Variants in LIAT1 observed in about 807,000 individuals in gnomAD.
LIAT1 encodes the protein protein LIAT1.
At chr17:413,233 G>C in the LIAT1 span, 1 of 1,614,196 alleles carries the variant, frequency 6.2e-7, no homozygotes. Flanking sequence ...AGCGTGGCCC[G>C]AAACCAGAGC....
chr17:411,346 C>T, the LIAT1 span, among the ~76,000 whole-genome samples: 2 of 152,186 alleles, frequency 1.3e-5, no homozygotes, highest in Non-Finnish European at 2.9e-5. Flanking sequence ...CAACCACTCC[C>T]CCCACCTTCT....
the LIAT1 span, among the ~76,000 whole-genome samples, chr17:411,800 C>T: frequency 6.6e-6 from 1 of 152,202 alleles, no homozygotes; most frequent in African/African-American, 2.4e-5. Flanking sequence ...AGAGAGAGCA[C>T]AGCAGTGACA....
the LIAT1 span, chr17:413,091 C>T: frequency 2.5e-5 from 40 of 1,577,330 alleles, no homozygotes; most frequent in East Asian, 7.6e-4. Context: ...GGCACCATCC[C>T]CAGCAGGCCA....
chr17:411,596 C>T, the LIAT1 span, among the ~76,000 whole-genome samples: 7 of 152,212 alleles, frequency 4.6e-5, no homozygotes, highest in Admixed American at 3.9e-4. Flanking sequence ...TCCTAGTCTA[C>T]ACACACAGAC....
At chr17:410,344 T>G in the LIAT1 span, 4 of 1,473,236 alleles carry the variant, frequency 2.7e-6, no homozygotes, top group Non-Finnish European at 3.6e-6. Context: ...GTGGTCGCCA[T>G]GGAGACGCGT....
At chr17:410,429 T>G in the LIAT1 span, 1 of 1,537,732 alleles carries the variant, frequency 6.5e-7, no homozygotes, top group Non-Finnish European at 8.7e-7. Context: ...CGGGGCGGGT[T>G]GGGTTGCAGC....
At chr17:413,317 A>T in the LIAT1 span, 3 of 1,614,256 alleles carry the variant, frequency 1.9e-6, no homozygotes, top group South Asian at 2.2e-5. Context: ...ACTTTGCCGA[A>T]ATAGAGAACC....
chr17:414,276 G>A, the LIAT1 span: 2 of 800,126 alleles, frequency 2.5e-6, no homozygotes, highest in Non-Finnish European at 4.0e-6. This position sits in a 1 kb window ranked among gnomAD's most constrained non-coding sequence, Gnocchi z 4.1. Flanking sequence ...GCCCTCGGTT[G>A]CCCAGGAGAG....
chr17:413,976 T>G, the LIAT1 span: 1 of 1,613,800 alleles, frequency 6.2e-7, no homozygotes, highest in South Asian at 1.1e-5. Context: ...CCTGAGAACT[T>G]ACCCTACCTC....
chr17:410,820 G>C, the LIAT1 span, among the ~76,000 whole-genome samples: 1 of 151,784 alleles, frequency 6.6e-6, no homozygotes, highest in Non-Finnish European at 1.5e-5. Context: ...AGCCCCACCC[G>C]TGGAGACCAT....
the LIAT1 span, among the ~76,000 whole-genome samples, chr17:412,460 G>A: frequency 2.0e-5 from 3 of 152,114 alleles, no homozygotes; most frequent in Non-Finnish European, 2.9e-5. Flanking sequence ...GGAGGGAAAT[G>A]TCAAAAGATG....
chr17:414,035 G>A, the LIAT1 span: 29 of 1,614,230 alleles, frequency 1.8e-5, no homozygotes, highest in Admixed American at 5.0e-5. This position sits in a 1 kb window ranked among gnomAD's most constrained non-coding sequence, Gnocchi z 4.1. Flanking sequence ...GTCGAAAGCC[G>A]AGTGCCCCAA....
the LIAT1 span, chr17:414,185 T>C: frequency 1.6e-5 from 24 of 1,523,896 alleles, no homozygotes; most frequent in Non-Finnish European, 2.1e-5. The surrounding 1 kb of genome is among the most constrained non-coding windows in gnomAD (Gnocchi z 4.1). Flanking sequence ...AAAACCATCA[T>C]CATAAAAGGA....
chr17:413,740 C>G, the LIAT1 span: 2 of 1,592,930 alleles, frequency 1.3e-6, no homozygotes, highest in Non-Finnish European at 1.7e-6. Flanking sequence ...ACCCCGACCC[C>G]AAGGCCCTCA....
At chr17:413,345 GAA>G in the LIAT1 span, 10 of 1,614,138 alleles carry the variant, frequency 6.2e-6, no homozygotes, top group Non-Finnish European at 8.5e-6. Context: ...TCGGATCAAC[GAA>G]AGTCTGCGTT....
chr17:414,255 A>G, the LIAT1 span: 5 of 1,068,862 alleles, frequency 4.7e-6, no homozygotes, highest in Non-Finnish European at 5.4e-6. This position sits in a 1 kb window ranked among gnomAD's most constrained non-coding sequence, Gnocchi z 4.1. Context: ...CGACTCTCCC[A>G]TCACCAAGCT....
the LIAT1 span, chr17:410,516 G>A: frequency 1.3e-6 from 2 of 1,545,492 alleles, no homozygotes; most frequent in African/African-American, 1.4e-5. Context: ...AGGAGGAGCG[G>A]GAGGGCGGCG....
At chr17:414,391 G>C in the LIAT1 span, 5 of 440,348 alleles carry the variant, frequency 1.1e-5, no homozygotes, top group Non-Finnish European at 1.6e-5. The surrounding 1 kb of genome is among the most constrained non-coding windows in gnomAD (Gnocchi z 4.1). Context: ...ACCACAGCTA[G>C]ATGTCTATAA....
At chr17:410,923 CT>C in the LIAT1 span, among the ~76,000 whole-genome samples, 1 of 152,334 alleles carries the variant, frequency 6.6e-6, no homozygotes, top group South Asian at 2.1e-4. Flanking sequence ...AAGACACCCT[CT>C]CAACTTCCTA....
Sources: allele counts gnomAD v4.1 joint callset (sites outside exome capture counted in the v4.1 genomes callset), GRCh38; gene constraint gnomAD v4.1.1; non-coding constraint Gnocchi (gnomAD v3.1); transcripts MANE v1.5; gene names NCBI Gene and HGNC (gene_info 2026-07-23, HGNC 2026-07-21).